ELAVL3: variants seen among roughly 807,000 people sequenced by gnomAD.
The protein encoded by ELAVL3 is ELAV-like protein 3.
Under a neutral mutation model 34.2 loss-of-function variants are expected in ELAVL3, and 8 were observed. That is an observed-to-expected ratio of 0.23 (90% confidence interval 0.14 to 0.42). The LOEUF (loss-of-function observed/expected upper bound fraction) is 0.42. Among genes scored for constraint, ELAVL3 ranks in the 10% least tolerant of loss-of-function variants. ELAVL3 has a pLI of 1.00. For synonymous variants in ELAVL3, 209 were observed against 222.1 expected (o/e 0.94, Z 0.53); for missense variants, 273 against 518.8 (o/e 0.53, Z 4.60).
chr19:11,452,274 A>G lies in ELAVL3; in HGVS notation c.*2252T>C, dbSNP rs1568375219. 1.3e-5 allele frequency: 2 copies of G among 152,224 alleles called. No individual in the cohort carries two copies. Among genetic ancestry groups the G allele is most frequent in the South Asian group, 4.1e-4 (2 of 4,830 alleles). The allele number at this position is 152,224 out of a possible 1,614,324, so 9.4% of individuals were successfully genotyped here. On this transcript the variant is annotated 3_prime_UTR_variant, in exon 7 of 7. Coordinates refer to ENST00000359227, the MANE Select transcript of ELAVL3 (RefSeq NM_001420.4). ...TTTTATAAATAAATTAGGCATAACC[A>G]TGTCTCGGCAAAACTTAAAGAAACA...
intron 3 of ELAVL3, among the ~76,000 whole-genome samples, chr19:11,463,796 C>T (rs1283654698): frequency 1.3e-5 from 2 of 151,864 alleles, no homozygotes; most frequent in East Asian, 3.9e-4. Context: ...ATGGAGAAAC[C>T]CTGTCTTTAC....
At chr19:11,457,225 C>T in intron 5 of ELAVL3, 77 bp from the exon 6 acceptor site, 1 of 1,432,856 alleles carries the variant, frequency 7.0e-7, no homozygotes, top group African/African-American at 1.5e-5. Flanking sequence ...CCTGCCCTCC[C>T]CACCCCCACC....
intron 1 of ELAVL3, among the ~76,000 whole-genome samples, chr19:11,478,813 C>A (rs746746709): frequency 6.6e-6 from 1 of 152,106 alleles, no homozygotes; most frequent in Non-Finnish European, 1.5e-5. Flanking sequence ...CCCCACGGCC[C>A]CCAGCTGCGG....
At chr19:11,464,848 C>A (rs1318762458) in intron 3 of ELAVL3, among the ~76,000 whole-genome samples, 1 of 125,070 alleles carries the variant, frequency 8.0e-6, no homozygotes. Flanking sequence ...CAGACACACA[C>A]ATACACAACA....
At position 11,473,090 on chromosome 19, in the gene ELAVL3, G is replaced by A. The variant is rs145277339; in HGVS notation, c.10-6263C>T. Among the ~76,000 whole-genome samples the A allele has an allele frequency of 6.7e-4, 99 of 148,242 alleles. No homozygotes were observed. In the East Asian group the frequency reaches 0.018, roughly 28 times the overall value. ...TCAAAAAGAAAAGAAAAGAGGCAGG[G>A]CGCGGTGGCTCACACCTGTAATCCC... On this transcript the variant is annotated intron_variant, in intron 1 of 6. Transcript: ENST00000359227.
At chr19:11,464,163 ATATATTT>A (rs1218973815) in intron 3 of ELAVL3, among the ~76,000 whole-genome samples, 3 of 107,598 alleles carry the variant, frequency 2.8e-5, no homozygotes, top group African/African-American at 1.6e-4. Context: ...ATATATATAT[ATATATTT>A]TTTTTTTTTT....
chr19:11,464,553 T>C (rs532737938), intron 3 of ELAVL3, among the ~76,000 whole-genome samples: 1 of 147,118 alleles, frequency 6.8e-6, no homozygotes, highest in East Asian at 2.0e-4. Flanking sequence ...ACACTGTATC[T>C]CACAACTCAA....
intron 1 of ELAVL3, among the ~76,000 whole-genome samples, chr19:11,469,877 G>A (rs1971129301): frequency 6.6e-6 from 1 of 152,004 alleles, no homozygotes. Flanking sequence ...GGGCAACATG[G>A]CGAAACCCTG....
intron 1 of ELAVL3, among the ~76,000 whole-genome samples, chr19:11,479,446 G>A (rs899897635): frequency 2.6e-5 from 4 of 152,164 alleles, no homozygotes; most frequent in African/African-American, 9.6e-5. Context: ...ACGCAGAGAC[G>A]GAGAGATAGG....
intron 1 of ELAVL3, among the ~76,000 whole-genome samples, chr19:11,476,492 C>T (rs1258325862): frequency 6.6e-6 from 1 of 150,478 alleles, no homozygotes; most frequent in East Asian, 1.9e-4. Context: ...ATGCAGGGAG[C>T]GTGATCATGC....
intron 3 of ELAVL3, among the ~76,000 whole-genome samples, chr19:11,465,615 G>T: frequency 6.6e-6 from 1 of 152,078 alleles, no homozygotes; most frequent in East Asian, 1.9e-4. Flanking sequence ...TTCCTCCAGG[G>T]TCCGGGAGCA....
chr19:11,466,451 G>C lies in ELAVL3; in HGVS notation c.229+157C>G, dbSNP rs145963291. Among the ~76,000 whole-genome samples, 33 of 151,106 alleles carry C rather than the reference G, an allele frequency of 2.2e-4. No individual in the cohort carries two copies. The East Asian group carries it at 6.4e-3, about 30-fold the overall frequency. ...CATCGCTCCTGAGACCTTCACCTAG[G>C]GGGTATACCCATCTCCCCATCAGAC... is the stretch of plus-strand genomic sequence containing the variant. On this transcript the variant is annotated intron_variant, in intron 2 of 6. Transcript: ENST00000359227. The surrounding 1 kb of genome is among the most constrained non-coding windows in gnomAD (Gnocchi z 5.0).
At chr19:11,479,341 A>G (rs1265147533) in intron 1 of ELAVL3, among the ~76,000 whole-genome samples, 2 of 152,042 alleles carry the variant, frequency 1.3e-5, no homozygotes, top group Admixed American at 1.3e-4. Context: ...GGAGAGGCTT[A>G]GGCATGGAGG....
chr19:11,459,057 A>G (rs73512736), intron 3 of ELAVL3, among the ~76,000 whole-genome samples: 6,184 of 150,072 alleles, frequency 0.041, 434 homozygotes, highest in African/African-American at 0.14. Flanking sequence ...AAGCAATCCT[A>G]CCGCCTAAGC....
In ELAVL3 at chr19:11,461,473, TC is replaced by T. The variant is rs1970883284; in HGVS notation, c.334-2863del. ...TATTTTTCCTCCCTCCCTCCCTCCC[TC>T]CCTCCCTTCCTTCCTTCCTTCATTC... On this transcript the variant is annotated intron_variant, in intron 3 of 6. Coordinates refer to ENST00000359227, the MANE Select transcript of ELAVL3 (RefSeq NM_001420.4). Among the ~76,000 whole-genome samples, 4 of 54,024 alleles carry T rather than the reference TC, an allele frequency of 7.4e-5. No individual in the cohort carries two copies. The South Asian group carries it at 2.9e-3, about 39-fold the overall frequency. The allele number at this position is 54,024 out of a possible 152,430, so 35.4% of individuals were successfully genotyped here. A position where few individuals can be genotyped will look rare whatever the true frequency, so the allele number is the denominator to read the frequency against.
At chr19:11,472,339 G>A (rs950496527) in intron 1 of ELAVL3, among the ~76,000 whole-genome samples, 3 of 150,118 alleles carry the variant, frequency 2.0e-5, no homozygotes, top group East Asian at 4.0e-4. Context: ...GCAAGACTCC[G>A]TCTCAAAAAC....
At chr19:11,464,151 CTATA>C (rs1164328564) in intron 3 of ELAVL3, among the ~76,000 whole-genome samples, 1 of 86,494 alleles carries the variant, frequency 1.2e-5, no homozygotes, top group Non-Finnish European at 2.0e-5. Flanking sequence ...CTCTCTCTCT[CTATA>C]TATATATATA....
chr19:11,478,888 T>C (rs112910203), intron 1 of ELAVL3, among the ~76,000 whole-genome samples: 6,143 of 152,216 alleles, frequency 0.04, 415 homozygotes, highest in African/African-American at 0.14. Context: ...TGAGTGGCTA[T>C]GCATGGTGAG....
intron 3 of ELAVL3, among the ~76,000 whole-genome samples, chr19:11,464,129 C>CTCTCTGTCTT (rs1555732403): frequency 1.1e-5 from 1 of 92,744 alleles, no homozygotes; most frequent in African/African-American, 6.3e-5. Flanking sequence ...CTCTGTCTCT[C>CTCTCTGTCTT]TCTCTCTCTC....
Sources: gnomAD v4.1 joint callset for allele counts (sites outside exome capture counted in the v4.1 genomes callset) on GRCh38, gnomAD v4.1.1 for gene constraint, Gnocchi (gnomAD v3.1) non-coding constraint, MANE v1.5 for transcripts, NCBI Gene and HGNC (gene_info 2026-07-23, HGNC 2026-07-21) for gene names.